WWC2: variants seen among roughly 807,000 people sequenced by gnomAD.
The protein encoded by WWC2 is protein WWC2.
Under a neutral mutation model 138.5 loss-of-function variants are expected in WWC2, and 101 were observed. That is an observed-to-expected ratio of 0.73 (90% CI 0.62 to 0.86). WWC2 has a LOEUF of 0.86. WWC2 is among the 40% of genes least tolerant of loss of function. WWC2 has a pLI of 0.00. For missense variants in WWC2, 1,420 were observed against 1,419.4 expected (o/e 1.00, Z -0.01); for synonymous variants, 558 against 538.4 (o/e 1.04, Z -0.50).
At chr4:183,117,341 C>T (rs917641373) in intron 1 of WWC2, among the ~76,000 whole-genome samples, 5 of 151,214 alleles carry the variant, frequency 3.3e-5, no homozygotes, top group African/African-American at 7.3e-5. Flanking sequence ...CTGCCTCAGC[C>T]TCCTGGGTAG....
chr4:183,314,496 C>T (rs143255518), intron 22 of WWC2, among the ~76,000 whole-genome samples: 94 of 152,322 alleles, frequency 6.2e-4, no homozygotes, highest in African/African-American at 2.1e-3. Context: ...GCACGGCTAC[C>T]GTTGCCTGGC....
At chr4:183,244,456 A>G (rs773910957) in intron 5 of WWC2, among the ~76,000 whole-genome samples, 3 of 152,300 alleles carry the variant, frequency 2.0e-5, no homozygotes, top group Middle Eastern at 3.4e-3. Flanking sequence ...TGTTTATTCA[A>G]TATGAGTTGA....
intron 4 of WWC2, among the ~76,000 whole-genome samples, chr4:183,215,176 C>T (rs899895346): frequency 2.6e-5 from 4 of 152,116 alleles, no homozygotes; most frequent in African/African-American, 7.2e-5. Flanking sequence ...TAAGGGATTA[C>T]GACAATGACT....
At position 183,312,359 on chromosome 4, in the gene WWC2, G is replaced by T. The variant is rs1372397847; in HGVS notation, c.3403G>T (p.Glu1135Ter). 6.2e-7 allele frequency: 1 copy of T among 1,613,436 alleles called. No homozygotes were observed. The highest frequency in any genetic ancestry group is 8.5e-7 in the Non-Finnish European group (1 of 1,179,652). Reference protein sequence around the residue: ...AEKQAEQSKEEQKQGLNAEKL... With the variant: ...AEKQAEQSKE ...TTTCCAGGCTGAACAGTCCAAAGAA[G>T]AGCAGAAGCAAGGTCTGAATGCAGA... The change falls in exon 22 of 23, where the codon GAG becomes TAG. Residue 1135 changes from glutamate to a stop codon, truncating the protein, a stop_gained. Transcript: ENST00000403733. LOFTEE classifies it high-confidence loss of function.
chr4:183,276,210 T>C (rs1737852110), intron 16 of WWC2, among the ~76,000 whole-genome samples: 1 of 152,114 alleles, frequency 6.6e-6, no homozygotes, highest in Admixed American at 6.6e-5. Flanking sequence ...TGAGATATTA[T>C]ATTTAAAGTA....
chr4:183,286,218 C>G (rs1005393235), intron 20 of WWC2, among the ~76,000 whole-genome samples, 159 bp downstream of exon 20: 12 of 152,126 alleles, frequency 7.9e-5, no homozygotes, highest in Non-Finnish European at 1.6e-4. Flanking sequence ...GATGCCATGG[C>G]CACTATGGAG....
chr4:183,256,565 T>C (rs1237623233), intron 9 of WWC2, among the ~76,000 whole-genome samples: 2 of 152,174 alleles, frequency 1.3e-5, no homozygotes, highest in Non-Finnish European at 2.9e-5. Context: ...AGAACGCCCT[T>C]GCCAGCAGTG....
At chr4:183,270,634 C>T (rs1046040108) in intron 15 of WWC2, among the ~76,000 whole-genome samples, 1 of 142,522 alleles carries the variant, frequency 7.0e-6, no homozygotes, top group African/African-American at 2.5e-5. Flanking sequence ...TGTTGTGGTG[C>T]GCACCTGTAA....
At chr4:183,269,648 A>C in intron 15 of WWC2, 1 of 366,950 alleles carries the variant, frequency 2.7e-6, no homozygotes. Context: ...ATGAAGCCAG[A>C]TATCAAAAAG....
intron 1 of WWC2, among the ~76,000 whole-genome samples, chr4:183,161,590 G>A (rs958143809): frequency 6.6e-6 from 1 of 152,124 alleles, no homozygotes; most frequent in Non-Finnish European, 1.5e-5. Flanking sequence ...TGGTCAGGAC[G>A]GACTGCATAT....
intron 20 of WWC2, among the ~76,000 whole-genome samples, chr4:183,289,053 C>T (rs771159258): frequency 3.9e-5 from 6 of 152,208 alleles, no homozygotes; most frequent in Non-Finnish European, 8.8e-5. Context: ...TATTTCTTGC[C>T]TAGCTACTGG....
chr4:183,284,425 C>T (rs1476578123), intron 19 of WWC2, 35 bp downstream of exon 19: 1 of 1,598,898 alleles, frequency 6.3e-7, no homozygotes, highest in Non-Finnish European at 8.5e-7. Flanking sequence ...GGCGCTGGGA[C>T]TGCAGCTTCT....
intron 15 of WWC2, chr4:183,269,891 A>G (rs900442194): frequency 6.2e-6 from 1 of 160,118 alleles, no homozygotes; most frequent in Non-Finnish European, 1.4e-5. Context: ...CCAGAAAACC[A>G]TTATGTCCCA....
intron 1 of WWC2, among the ~76,000 whole-genome samples, chr4:183,114,054 A>G (rs1732335924): frequency 6.6e-6 from 1 of 152,138 alleles, no homozygotes; most frequent in Non-Finnish European, 1.5e-5. Context: ...TAGGTGTGAT[A>G]GAGTTTGAAT....
chr4:183,260,302 G>C (rs1389431941), intron 10 of WWC2, among the ~76,000 whole-genome samples: 1 of 151,972 alleles, frequency 6.6e-6, no homozygotes, highest in East Asian at 1.9e-4. Flanking sequence ...ACAGGTATTT[G>C]ATTCCTTTTA....
chr4:183,200,439 A>C (rs954793290), intron 2 of WWC2, among the ~76,000 whole-genome samples: 1 of 152,130 alleles, frequency 6.6e-6, no homozygotes, highest in Non-Finnish European at 1.5e-5. Context: ...TTAGTTTATT[A>C]ATTATATATC....
intron 21 of WWC2, among the ~76,000 whole-genome samples, chr4:183,301,336 T>A (rs73006729): frequency 0.094 from 14,336 of 152,172 alleles, 770 homozygotes; most frequent in South Asian, 0.17. Flanking sequence ...AAGCTCCAGC[T>A]GGCAATTAAA....
At chr4:183,219,161 A>T (rs1379071478) in intron 4 of WWC2, among the ~76,000 whole-genome samples, 1 of 152,136 alleles carries the variant, frequency 6.6e-6, no homozygotes, top group Non-Finnish European at 1.5e-5. Context: ...AGAAAATAGA[A>T]CAGTGGTTAC....
intron 4 of WWC2, among the ~76,000 whole-genome samples, chr4:183,226,088 TTC>T (rs1331774918): frequency 7.5e-6 from 1 of 134,174 alleles, no homozygotes; most frequent in African/African-American, 4.0e-5. Context: ...TTCTTTTCTT[TTC>T]TTTTCTTTTT....
Sources: gnomAD v4.1 joint callset for allele counts (sites outside exome capture counted in the v4.1 genomes callset) on GRCh38, gnomAD v4.1.1 for gene constraint, MANE v1.5 for transcripts, NCBI Gene and HGNC (gene_info 2026-07-23, HGNC 2026-07-21) for gene names.